Variants in RUNDC3B observed in about 807,000 individuals in gnomAD.
RUNDC3B encodes RUN domain-containing protein 3B.
Under a neutral mutation model 58.4 loss-of-function variants are expected in RUNDC3B, and 33 were observed. The observed-to-expected ratio is 0.56, with a 90% CI of 0.43 to 0.75. RUNDC3B has a LOEUF of 0.75. Among genes scored for constraint, RUNDC3B ranks in the 30% least tolerant of loss-of-function variants. The pLI is 0.00. For synonymous variants in RUNDC3B, 193 were observed against 195.2 expected (o/e 0.99, Z 0.10); for missense variants, 501 against 535.7 (o/e 0.94, Z 0.64).
intron 2 of RUNDC3B, among the ~76,000 whole-genome samples, chr7:87,695,336 C>T (rs1828406779): frequency 6.6e-6 from 1 of 152,012 alleles, no homozygotes. Context: ...TGGAAATTTT[C>T]TCTGTTTGAT....
At chr7:87,745,778 T>TA (rs760881268) in intron 6 of RUNDC3B, among the ~76,000 whole-genome samples, 1 of 145,870 alleles carries the variant, frequency 6.9e-6, no homozygotes, top group East Asian at 2.0e-4. Context: ...TTATCTTTTG[T>TA]ATTTTTTTGT....
chr7:87,652,621 G>GAGATATATATAT (rs374832268), intron 2 of RUNDC3B, among the ~76,000 whole-genome samples: 3 of 125,412 alleles, frequency 2.4e-5, no homozygotes, highest in African/African-American at 1.0e-4. Flanking sequence ...TGTGGTCACT[G>GAGATATATATAT]ATATATATAT....
At chr7:87,814,485 T>C (rs1306104299) in intron 9 of RUNDC3B, among the ~76,000 whole-genome samples, 2 of 152,200 alleles carry the variant, frequency 1.3e-5, no homozygotes, top group Non-Finnish European at 2.9e-5. Context: ...GGAGAGAGAA[T>C]TAGAGCCAGA....
At chr7:87,685,414 T>G (rs535886787) in intron 2 of RUNDC3B, among the ~76,000 whole-genome samples, 2 of 152,276 alleles carry the variant, frequency 1.3e-5, no homozygotes, top group Admixed American at 1.3e-4. Flanking sequence ...ATCAAGCTCT[T>G]TTGTCAAAAA....
chr7:87,815,303 G>T (rs1836968878), intron 9 of RUNDC3B, among the ~76,000 whole-genome samples: 1 of 151,918 alleles, frequency 6.6e-6, no homozygotes, highest in Admixed American at 6.6e-5. Context: ...AAATTAGATG[G>T]TGTTTGGCTA....
chr7:87,679,114 A>G (rs1333442158), intron 2 of RUNDC3B, among the ~76,000 whole-genome samples: 1 of 121,770 alleles, frequency 8.2e-6, no homozygotes. Flanking sequence ...TTTTTTTGAG[A>G]CAGAGTCCCG....
intron 1 of RUNDC3B, among the ~76,000 whole-genome samples, chr7:87,648,657 T>C (rs1358675934): frequency 6.6e-6 from 1 of 152,182 alleles, no homozygotes; most frequent in South Asian, 2.1e-4. Context: ...TCTCAGTGTT[T>C]CTAATGTTTT....
chr7:87,645,081 CT>C lies in RUNDC3B; in HGVS notation c.123-5723del, dbSNP rs551936794. Among the ~76,000 whole-genome samples the C allele has an allele frequency of 2.4e-3, 309 of 128,058 alleles. 1 individual carries two copies. The highest frequency in any genetic ancestry group is 9.9e-3 in the South Asian group (39 of 3,940). The allele number at this position is 128,058 out of a possible 152,430, so 84.0% of individuals were successfully genotyped here. A position where few individuals can be genotyped will look rare whatever the true frequency, so the allele number is the denominator to read the frequency against. On this transcript the variant is annotated intron_variant, in intron 1 of 10. Transcript: ENST00000394654. ...TTTTAGTCACAATCATGCTTTCTTT[CT>C]TTTTTTTTTTTTTTTTTGAGACAGA...
At chr7:87,741,832 A>G (rs572243385) in intron 6 of RUNDC3B, among the ~76,000 whole-genome samples, 1 of 151,730 alleles carries the variant, frequency 6.6e-6, no homozygotes, top group South Asian at 2.1e-4. Flanking sequence ...ACATTTATTC[A>G]TATTGCTGTA....
rs540252857 is a variant in RUNDC3B, at chr7:87,681,963, A to G, written c.239-18458A>G. On this transcript the variant is annotated intron_variant, in intron 2 of 10. Transcript: ENST00000394654. ...CTACCCACAGTAGAACTTCTTTCAA[A>G]ATTGGAGTCAATACTCTCAAACCCT... is the stretch of plus-strand genomic sequence containing the variant. Among the ~76,000 whole-genome samples the G allele has an allele frequency of 2.6e-5, 4 of 152,326 alleles. No individual in the cohort carries two copies. The East Asian group carries it at 5.8e-4, about 22-fold the overall frequency.
At chr7:87,633,329 G>C (rs376578654) in intron 1 of RUNDC3B, among the ~76,000 whole-genome samples, 1 of 152,100 alleles carries the variant, frequency 6.6e-6, no homozygotes, top group South Asian at 2.1e-4. Context: ...ATGATTACAC[G>C]TTTCCCTACC....
chr7:87,770,556 T>A, intron 6 of RUNDC3B, 25 bp from the exon 7 acceptor site: 1 of 1,582,846 alleles, frequency 6.3e-7, no homozygotes, highest in South Asian at 1.2e-5. Context: ...TTTTTAACTT[T>A]TTTTTAAAAT....
chr7:87,693,985 C>A (rs1287318836), intron 2 of RUNDC3B: 7 of 1,610,926 alleles, frequency 4.3e-6, no homozygotes, highest in Non-Finnish European at 5.9e-6. Flanking sequence ...ATGTCTCCCG[C>A]CACTGAGCTG....
At chr7:87,761,611 C>A (rs1342806866) in intron 6 of RUNDC3B, among the ~76,000 whole-genome samples, 1 of 151,830 alleles carries the variant, frequency 6.6e-6, no homozygotes, top group Non-Finnish European at 1.5e-5. Flanking sequence ...TGTGATGTAT[C>A]CATACAATGG....
chr7:87,723,606 A>G (rs1238636414), intron 4 of RUNDC3B, among the ~76,000 whole-genome samples: 1 of 152,186 alleles, frequency 6.6e-6, no homozygotes, highest in Non-Finnish European at 1.5e-5. Flanking sequence ...TATTAGTTTA[A>G]TTATTAAAAA....
intron 8 of RUNDC3B, among the ~76,000 whole-genome samples, chr7:87,785,048 C>T (rs984873395): frequency 2.0e-5 from 3 of 151,894 alleles, no homozygotes; most frequent in African/African-American, 7.3e-5. Flanking sequence ...GCATAGGATC[C>T]CCAGGCAGTG....
intron 8 of RUNDC3B, among the ~76,000 whole-genome samples, chr7:87,801,214 A>G (rs1437133264): frequency 6.6e-6 from 1 of 152,200 alleles, no homozygotes; most frequent in Non-Finnish European, 1.5e-5. Context: ...ACCATCACTA[A>G]GAAGTTGATA....
chr7:87,789,722 G>GC (rs1316708189), intron 8 of RUNDC3B, among the ~76,000 whole-genome samples: 1 of 152,150 alleles, frequency 6.6e-6, no homozygotes, highest in Non-Finnish European at 1.5e-5. Context: ...ATGTTCTATT[G>GC]CACTTCCTTG....
intron 6 of RUNDC3B, among the ~76,000 whole-genome samples, chr7:87,745,895 AC>A (rs1832614000): frequency 6.6e-6 from 1 of 151,982 alleles, no homozygotes. Flanking sequence ...TGACCTTAGA[AC>A]GTCAGTTTGT....
Sources: gnomAD v4.1 joint callset for allele counts (sites outside exome capture counted in the v4.1 genomes callset) on GRCh38, gnomAD v4.1.1 for gene constraint, MANE v1.5 for transcripts, NCBI Gene and HGNC (gene_info 2026-07-23, HGNC 2026-07-21) for gene names.